The following PLEKHB1 variants were observed in gnomAD, a reference collection of about 807,000 sequenced individuals.
PLEKHB1 encodes pleckstrin homology domain-containing family B member 1.
A neutral mutation model predicts 36.2 loss-of-function variants in PLEKHB1; 29 were observed. The observed-to-expected ratio is 0.80, with a 90% CI of 0.60 to 1.09. The LOEUF (loss-of-function observed/expected upper bound fraction) is 1.09. PLEKHB1 is among the 50% of genes least tolerant of loss of function. The pLI is 0.00. For synonymous variants in PLEKHB1, 138 were observed against 140.0 expected (o/e 0.99, Z 0.10); for missense variants, 330 against 348.2 (o/e 0.95, Z 0.42).
In PLEKHB1 at chr11:73,650,642, G is replaced by A. The variant is rs369788651; in HGVS notation, c.184G>A (p.Glu62Lys). The A allele has an allele frequency of 2.0e-5, 33 of 1,612,248 alleles. No homozygotes were observed. Among genetic ancestry groups the A allele is most frequent in the Admixed American group, 5.0e-5 (3 of 59,790 alleles). The change falls in exon 3 of 8, where the codon GAG becomes AAG. Residue 62 changes from glutamate to lysine, a missense_variant. By Grantham distance (56) the Glu-to-Lys change is moderately conservative (BLOSUM62 1). Transcript: ENST00000354190. ...CTACCACGATGAGACAGCGCAGGAC[G>A]AGGAGGACCGTGTGCTCATCCACTT... is the stretch of plus-strand genomic sequence containing the variant. The part of the protein sequence containing the change: ...GYYHDETAQD[E>K]EDRVLIHFNV...
intron 1 of PLEKHB1, 139 bp from the exon 2 acceptor site, chr11:73,648,873 G>C (rs918070748): frequency 2.1e-6 from 3 of 1,419,290 alleles, no homozygotes; most frequent in Non-Finnish European, 2.8e-6. Flanking sequence ...GAATGGGGAG[G>C]AGGCCGAGGC....
chr11:73,652,577 G>A, intron 4 of PLEKHB1: 1 of 174,988 alleles, frequency 5.7e-6, no homozygotes, highest in Non-Finnish European at 1.2e-5. Flanking sequence ...TCCCGTGTCT[G>A]CTGGGCCTTC....
chr11:73,651,044 G>A (rs1251401882), intron 3 of PLEKHB1, among the ~76,000 whole-genome samples: 1 of 151,518 alleles, frequency 6.6e-6, no homozygotes, highest in African/African-American at 2.4e-5. Flanking sequence ...TGGCTACTGG[G>A]GAGGCCGAGG....
At chr11:73,647,574 T>C (rs1261448456) in intron 1 of PLEKHB1, 1 of 985,360 alleles carries the variant, frequency 1.0e-6, no homozygotes, top group East Asian at 1.1e-4. Flanking sequence ...GGTGGGCAGG[T>C]CCGGAGGGCG....
chr11:73,654,409 A>T (rs1944955143), intron 5 of PLEKHB1, among the ~76,000 whole-genome samples: 1 of 152,220 alleles, frequency 6.6e-6, no homozygotes, highest in South Asian at 2.1e-4. Context: ...CTCCTCAGGC[A>T]TCCACGTCCT....
At chr11:73,657,690 T>C (rs963573458) in intron 6 of PLEKHB1, among the ~76,000 whole-genome samples, 1 of 152,216 alleles carries the variant, frequency 6.6e-6, no homozygotes, top group Non-Finnish European at 1.5e-5. Flanking sequence ...TGGCTCACTG[T>C]GTAGCAGCAG....
chr11:73,653,955 ATTG>A (rs1944947160), intron 5 of PLEKHB1, among the ~76,000 whole-genome samples: 1 of 152,020 alleles, frequency 6.6e-6, no homozygotes, highest in Non-Finnish European at 1.5e-5. Context: ...TAAAAAGATA[ATTG>A]TTGTAACGTT....
chr11:73,651,209 T>C (rs1003162155), intron 3 of PLEKHB1, among the ~76,000 whole-genome samples: 3 of 151,516 alleles, frequency 2.0e-5, no homozygotes, highest in African/African-American at 7.3e-5. Flanking sequence ...AAACAAAAAT[T>C]AGCCGGGCAT....
intron 3 of PLEKHB1, chr11:73,651,567 A>G (rs1944894498): frequency 6.1e-6 from 4 of 655,278 alleles, no homozygotes; most frequent in Non-Finnish European, 8.5e-6. Flanking sequence ...CAGTTCTAAC[A>G]GGGTAACTGG....
At position 73,662,784 on chromosome 11, in the gene PLEKHB1, C is replaced by T. The variant is rs867532008; in HGVS notation, c.*1182C>T. The T allele has an allele frequency of 6.6e-6, 1 of 152,178 alleles. No homozygotes were observed. Among genetic ancestry groups the T allele is most frequent in the Non-Finnish European group, 1.5e-5 (1 of 68,052 alleles). 9.4% of individuals were successfully genotyped at this position (152,178 alleles called of 1,614,324 possible). A position where few individuals can be genotyped will look rare whatever the true frequency, so the allele number is the denominator to read the frequency against. Reference sequence around the variant, plus strand: ...ATGGGGGCTCCATTAGTTCTGCTGCCGAGACTAATAAAGATTTGGTTGGCT... The same window carrying T: ...ATGGGGGCTCCATTAGTTCTGCTGCTGAGACTAATAAAGATTTGGTTGGCT... On this transcript the variant is annotated 3_prime_UTR_variant, in exon 8 of 8. Transcript: ENST00000354190.
At chr11:73,660,031 A>G (rs1418025902) in intron 6 of PLEKHB1, among the ~76,000 whole-genome samples, 2 of 152,216 alleles carry the variant, frequency 1.3e-5, no homozygotes, top group Non-Finnish European at 2.9e-5. Flanking sequence ...TAGCCATGAT[A>G]ATGTCGTAGG....
At chr11:73,656,475 A>T (rs1318251626) in intron 6 of PLEKHB1, among the ~76,000 whole-genome samples, 2 of 152,220 alleles carry the variant, frequency 1.3e-5, no homozygotes, top group Non-Finnish European at 2.9e-5. Context: ...AGTGGGGCTC[A>T]GGGAATGTTC....
intron 3 of PLEKHB1, 61 bp downstream of exon 3, chr11:73,650,766 C>T (rs1387426968): frequency 1.6e-5 from 23 of 1,480,690 alleles, no homozygotes; most frequent in South Asian, 6.8e-5. Flanking sequence ...CCGCTGTCTC[C>T]GAGAACACTT....
At chr11:73,650,441 G>A in intron 2 of PLEKHB1, 112 bp from the exon 3 acceptor site, 2 of 1,201,928 alleles carry the variant, frequency 1.7e-6, no homozygotes, top group Admixed American at 5.9e-5. Flanking sequence ...CAAGAAAAAG[G>A]TGGTTGTAAC....
chr11:73,661,420 A>G lies in PLEKHB1; in HGVS notation c.596-46A>G, dbSNP rs369408728. On this transcript the variant is annotated intron_variant, in intron 7 of 7. Coordinates refer to ENST00000354190, the MANE Select transcript of PLEKHB1 (RefSeq NM_021200.3). The surrounding 1 kb of genome is among the most constrained non-coding windows in gnomAD (Gnocchi z 4.6). ...GCAGGAAGGGTACGAAGATCACTCTACTCCCTCCTAAGTCGCTGATCCTCA... is the reference window on the plus strand; with the variant it reads ...GCAGGAAGGGTACGAAGATCACTCTGCTCCCTCCTAAGTCGCTGATCCTCA... The G allele has an allele frequency of 6.2e-6, 10 of 1,604,560 alleles. No homozygotes were observed. In the African/African-American group the frequency reaches 1.2e-4, roughly 19 times the overall value.
intron 2 of PLEKHB1, 80 bp downstream of exon 2, chr11:73,649,167 C>G: frequency 6.7e-7 from 1 of 1,503,214 alleles, no homozygotes; most frequent in Non-Finnish European, 9.0e-7. Context: ...ACACTTCTCT[C>G]AAGAAACCAG....
rs1944910568 is a variant in PLEKHB1 at position 73,652,154 on chromosome 11, T to C, written c.350+264T>C. The stretch of plus-strand genomic sequence containing the variant: ...ACACCTGCCTCAGGTATCTGGTTCC[T>C]GGTCTTTAGCGGCCTCTGAGGTGAG... On this transcript the variant is annotated intron_variant, in intron 4 of 7. Coordinates refer to ENST00000354190, the MANE Select transcript of PLEKHB1 (RefSeq NM_021200.3). 7 of 504,304 alleles carry C rather than the reference T, an allele frequency of 1.4e-5. No homozygotes were observed. The South Asian group carries it at 1.6e-4, about 11-fold the overall frequency. The allele number at this position is 504,304 out of a possible 1,614,324, so 31.2% of individuals were successfully genotyped here.
chr11:73,654,551 G>C (rs1282677806), intron 5 of PLEKHB1, among the ~76,000 whole-genome samples: 1 of 152,204 alleles, frequency 6.6e-6, no homozygotes, highest in Non-Finnish European at 1.5e-5. Context: ...GAGGTTCAGA[G>C]AGGGGAGGTG....
In PLEKHB1 at chr11:73,654,869, G is replaced by A. The variant is rs1339299974; in HGVS notation, c.391-934G>A. ...TTGGAAGAAATGGACTTTCCCTGAG[G>A]CCTGTAGGGAGCAATAAAGGGCATT... is the stretch of plus-strand genomic sequence containing the variant. On this transcript the variant is annotated intron_variant, in intron 5 of 7. Transcript: ENST00000354190. 2.6e-5 allele frequency among the ~76,000 whole-genome samples: 4 copies of A among 152,324 alleles called. No homozygotes were observed. In the South Asian group the frequency reaches 6.2e-4, roughly 24 times the overall value.
Sources: gnomAD v4.1 joint callset for allele counts (sites outside exome capture counted in the v4.1 genomes callset) on GRCh38, gnomAD v4.1.1 for gene constraint, Gnocchi (gnomAD v3.1) non-coding constraint, MANE v1.5 for transcripts, NCBI Gene and HGNC (gene_info 2026-07-23, HGNC 2026-07-21) for gene names.